The following USH2A variants were observed in gnomAD, a reference collection of about 807,000 sequenced individuals.
USH2A encodes the protein usherin.
Under a neutral mutation model 538.9 loss-of-function variants are expected in USH2A, and 443 were observed. The observed-to-expected ratio is 0.82, with a 90% CI of 0.76 to 0.89. The LOEUF is 0.89. USH2A is among the 40% of genes least tolerant of loss of function. USH2A has a pLI of 0.00. For missense variants in USH2A, 6,633 were observed against 6,324.8 expected (o/e 1.05, Z -1.65); for synonymous variants, 2,413 against 2,273.5 (o/e 1.06, Z -1.75).
chr1:215,866,920 G>T, intron 44 of USH2A, 87 bp downstream of exon 44: 1 of 1,552,536 alleles, frequency 6.4e-7, no homozygotes, highest in Non-Finnish European at 8.9e-7. Context: ...TCAAAATGAT[G>T]TGTACATGGG....
intron 37 of USH2A, among the ~76,000 whole-genome samples, chr1:215,952,703 T>C (rs1445143257): frequency 6.6e-6 from 1 of 152,232 alleles, no homozygotes; most frequent in Non-Finnish European, 1.5e-5. Context: ...TGTTGAATAT[T>C]GGCCCCCACT....
At position 215,790,182 on chromosome 1, in the gene USH2A, C is replaced by T. The variant is rs147842359; in HGVS notation, c.10059G>A (p.Pro3353=). 8.5e-5 allele frequency: 137 copies of T among 1,613,894 alleles called. No individual in the cohort carries two copies. Among genetic ancestry groups the T allele is most frequent in the Non-Finnish European group, 1.1e-4 (124 of 1,180,000 alleles). ...CAGTCTCACAGCATTTTACTGGCACCGGGTCATTCTTTTTAATATGTGCTT... is the reference window on the plus strand; with the variant it reads ...CAGTCTCACAGCATTTTACTGGCACTGGGTCATTCTTTTTAATATGTGCTT... ...ESKAHIKKND[P]VPVKCCETEL... is the part of the protein sequence containing the mutation. Residue 3353 remains proline, a synonymous_variant, in exon 51 of 72, where the codon CCG becomes CCA. Coordinates refer to ENST00000307340, the MANE Select transcript of USH2A (RefSeq NM_206933.4).
chr1:215,964,653 T>G (rs1224349069), intron 37 of USH2A, among the ~76,000 whole-genome samples: 1 of 152,190 alleles, frequency 6.6e-6, no homozygotes, highest in Non-Finnish European at 1.5e-5. Context: ...TGGAAGATGA[T>G]AAACAACAGC....
In USH2A at chr1:216,248,643, G is replaced by T. The variant is rs2036098724; in HGVS notation, c.2168-1417C>A. Among the ~76,000 whole-genome samples the T allele has an allele frequency of 2.0e-5, 3 of 151,762 alleles. No homozygotes were observed. The South Asian group carries it at 6.2e-4, about 32-fold the overall frequency. On this transcript the variant is annotated intron_variant, in intron 12 of 71. Transcript: ENST00000307340. ...AGGCATATCATTTAATTTCAATAAG[G>T]AAAATAAAAAAGGACCACTATTGCT... is the stretch of plus-strand genomic sequence containing the variant.
chr1:216,405,647 A>T (rs571000452), intron 3 of USH2A, among the ~76,000 whole-genome samples: 2 of 152,338 alleles, frequency 1.3e-5, no homozygotes, highest in South Asian at 4.1e-4. Flanking sequence ...CTTAAAACAC[A>T]CACATGCAAC....
intron 14 of USH2A, 116 bp from the exon 15 acceptor site, chr1:216,217,666 A>AATATATTGGC: frequency 8.6e-7 from 1 of 1,160,664 alleles, no homozygotes; most frequent in South Asian, 1.4e-5. Context: ...TAGCCAATAT[A>AATATATTGGC]TTGAAAAGAA....
At chr1:215,941,779 G>A (rs1442501698) in intron 37 of USH2A, among the ~76,000 whole-genome samples, 1 of 152,094 alleles carries the variant, frequency 6.6e-6, no homozygotes, top group African/African-American at 2.4e-5. Flanking sequence ...TCTAATTACT[G>A]GAAGATATAT....
chr1:216,258,265 G>A (rs1270097739), intron 11 of USH2A, among the ~76,000 whole-genome samples: 1 of 152,004 alleles, frequency 6.6e-6, no homozygotes, highest in Non-Finnish European at 1.5e-5. Context: ...TCAGCCTAGG[G>A]CTATTCTCCA....
Position 215,747,890 on chromosome 1 carries a change from G to T in USH2A, c.11390-4555C>A, listed in dbSNP as rs6675544. The stretch of plus-strand genomic sequence containing the variant: ...TTTTTTTTTGTTTGTTTGTTTGTTT[G>T]GTTTTTTTTTTTGAGACGGAGTCTC... On this transcript the variant is annotated intron_variant, in intron 58 of 71. Coordinates refer to ENST00000307340, the MANE Select transcript of USH2A (RefSeq NM_206933.4). Among the ~76,000 whole-genome samples the T allele has an allele frequency of 7.1e-3, 647 of 91,208 alleles. 5 individuals are homozygous for T. The highest frequency in any genetic ancestry group is 0.024 in the African/African-American group (609 of 25,368). 59.8% of individuals were successfully genotyped at this position (91,208 alleles called of 152,430 possible).
intron 37 of USH2A, among the ~76,000 whole-genome samples, chr1:215,944,050 T>G (rs956725108): frequency 6.6e-6 from 1 of 152,280 alleles, no homozygotes; most frequent in African/African-American, 2.4e-5. Context: ...CAAAATCAAA[T>G]GAATCATGAG....
At chr1:215,672,765 T>C (rs1657866387) in intron 63 of USH2A, among the ~76,000 whole-genome samples, 1 of 152,222 alleles carries the variant, frequency 6.6e-6, no homozygotes, top group African/African-American at 2.4e-5. Context: ...CAACTTCATA[T>C]AGAAGTGATA....
At chr1:215,777,423 G>A (rs966637461) in intron 55 of USH2A, among the ~76,000 whole-genome samples, 5 of 152,198 alleles carry the variant, frequency 3.3e-5, no homozygotes, top group East Asian at 1.9e-4. Context: ...GCAACAATTC[G>A]AAGCTGATGC....
At chr1:216,314,839 T>C (rs146979808) in intron 9 of USH2A, among the ~76,000 whole-genome samples, 57 of 152,302 alleles carry the variant, frequency 3.7e-4, no homozygotes, top group Admixed American at 9.2e-4. Context: ...TGGTTACTAA[T>C]AAATTGCTCT....
intron 60 of USH2A, among the ~76,000 whole-genome samples, chr1:215,732,045 T>A (rs1018807879): frequency 2.0e-5 from 3 of 152,124 alleles, no homozygotes; most frequent in Non-Finnish European, 4.4e-5. Flanking sequence ...TAAAAATCAT[T>A]GGGTAAAATG....
intron 32 of USH2A, among the ~76,000 whole-genome samples, chr1:216,011,733 TC>T (rs1240088857): frequency 1.3e-5 from 2 of 152,024 alleles, no homozygotes; most frequent in African/African-American, 4.8e-5. Context: ...ATTTCCAAAA[TC>T]TATTTTCTTC....
chr1:216,257,089 C>T (rs34408110), intron 11 of USH2A, among the ~76,000 whole-genome samples: 5,017 of 151,864 alleles, frequency 0.033, 125 homozygotes, highest in Non-Finnish European at 0.048. Context: ...GAAAAATACC[C>T]TCCGTATTTA....
intron 21 of USH2A, among the ~76,000 whole-genome samples, chr1:216,147,619 A>C (rs983452069): frequency 2.0e-5 from 3 of 151,280 alleles, no homozygotes; most frequent in African/African-American, 7.3e-5. Flanking sequence ...AAACTCCAAA[A>C]ATTAAATTCC....
Position 215,759,748 on chromosome 1 carries a change from A to C in USH2A, c.11143T>G (p.Tyr3715Asp), listed in dbSNP as rs777038283. Residue 3715 changes from tyrosine to aspartate, a missense_variant, in exon 57 of 72, where the codon TAT (tyrosine) becomes GAT (aspartate). Transcript: ENST00000307340. ...AAGTTTCCATTACGACTCAATTGAT[A>C]TTGAGAAACGAGGCCATTGGGCTTT... ...PEKPNGLVSQ[Y>D]QLSRNGNLLF... 6.2e-7 allele frequency: 1 copy of C among 1,614,084 alleles called. No homozygotes were observed. Among genetic ancestry groups the C allele is most frequent in the South Asian group, 1.1e-5 (1 of 91,086 alleles).
intron 47 of USH2A, among the ~76,000 whole-genome samples, chr1:215,825,276 T>C (rs1049545483): frequency 6.6e-6 from 1 of 152,126 alleles, no homozygotes; most frequent in South Asian, 2.1e-4. Context: ...TGGACTCAAA[T>C]CCTGGCCTCA....
Sources: gnomAD v4.1 joint callset for allele counts (sites outside exome capture counted in the v4.1 genomes callset) on GRCh38, gnomAD v4.1.1 for gene constraint, MANE v1.5 for transcripts, NCBI Gene and HGNC (gene_info 2026-07-23, HGNC 2026-07-21) for gene names.